The following CCSER1 variants were observed in gnomAD, a reference collection of about 807,000 sequenced individuals.
CCSER1 encodes serine-rich coiled-coil domain-containing protein 1.
CCSER1 carries 41 observed loss-of-function variants against 82.0 expected under a neutral mutation model. The ratio of observed to expected loss-of-function variants is 0.50; its 90% CI spans 0.39 to 0.65. CCSER1 has a LOEUF of 0.65. Ranked by LOEUF, CCSER1 falls within the 30% of genes least tolerant of loss-of-function variation. The pLI is 0.00. For synonymous variants in CCSER1, 414 were observed against 383.9 expected, an observed-to-expected ratio of 1.08 and a Z score of -0.92; for missense variants, 1,119 against 1,064.2, an observed-to-expected ratio of 1.05 and a Z score of -0.72.
chr4:90,664,693 G>A (rs910052341), intron 6 of CCSER1, among the ~76,000 whole-genome samples: 1 of 152,132 alleles, frequency 6.6e-6, no homozygotes, highest in African/African-American at 2.4e-5. Flanking sequence ...CTGAGGTCAG[G>A]AGTTCCAGAC....
At chr4:90,844,973 G>T (rs767708408) in intron 8 of CCSER1, among the ~76,000 whole-genome samples, 3 of 152,174 alleles carry the variant, frequency 2.0e-5, no homozygotes, top group Non-Finnish European at 4.4e-5. Flanking sequence ...TTGGTGTGGA[G>T]CTATTTCAAT....
intron 10 of CCSER1, among the ~76,000 whole-genome samples, chr4:91,594,583 TAA>T (rs938952086): frequency 6.6e-6 from 1 of 151,654 alleles, no homozygotes; most frequent in African/African-American, 2.4e-5. Flanking sequence ...TATTTTGTGT[TAA>T]GAGGATGTTT....
chr4:91,248,797 A>G (rs1220134215), intron 10 of CCSER1, among the ~76,000 whole-genome samples: 1 of 148,572 alleles, frequency 6.7e-6, no homozygotes, highest in Non-Finnish European at 1.5e-5. Context: ...AATTATTATT[A>G]CAAATGCACT....
intron 9 of CCSER1, among the ~76,000 whole-genome samples, chr4:90,982,993 T>G (rs1241228290): frequency 6.6e-6 from 1 of 151,814 alleles, no homozygotes; most frequent in Non-Finnish European, 1.5e-5. Flanking sequence ...CAGGTTTCCA[T>G]GACCTCAATC....
At chr4:91,403,363 A>G (rs924279693) in intron 10 of CCSER1, among the ~76,000 whole-genome samples, 6 of 151,884 alleles carry the variant, frequency 4.0e-5, no homozygotes, top group African/African-American at 1.4e-4. Context: ...TCACTTCCTC[A>G]TTGCTAATGG....
At chr4:90,945,172 A>G (rs1255726009) in intron 9 of CCSER1, among the ~76,000 whole-genome samples, 1 of 152,190 alleles carries the variant, frequency 6.6e-6, no homozygotes, top group Admixed American at 6.5e-5. Context: ...AACTAGGAAA[A>G]AAACTAATAT....
chr4:90,921,667 C>T (rs1728397866), intron 8 of CCSER1, among the ~76,000 whole-genome samples: 2 of 151,934 alleles, frequency 1.3e-5, no homozygotes, highest in African/African-American at 2.4e-5. Context: ...AGGATGAAAG[C>T]CCTTGAAATA....
intron 4 of CCSER1, among the ~76,000 whole-genome samples, chr4:90,419,823 A>G (rs1406209229): frequency 1.3e-5 from 2 of 151,946 alleles, no homozygotes; most frequent in African/African-American, 4.8e-5. Flanking sequence ...TCTTTAATTT[A>G]TTGAATGAAA....
intron 7 of CCSER1, among the ~76,000 whole-genome samples, chr4:90,739,878 C>A (rs1351101676): frequency 6.6e-6 from 1 of 152,180 alleles, no homozygotes; most frequent in Non-Finnish European, 1.5e-5. Context: ...AACTGTCTTT[C>A]TTATCCTCTT....
chr4:90,570,008 G>T (rs568361513), intron 5 of CCSER1, among the ~76,000 whole-genome samples: 1 of 152,282 alleles, frequency 6.6e-6, no homozygotes, highest in South Asian at 2.1e-4. Context: ...AAACCCACGG[G>T]TATGGTCCCA....
intron 7 of CCSER1, chr4:90,725,045 A>C (rs189180342): frequency 1.4e-4 from 62 of 437,402 alleles, no homozygotes; most frequent in Non-Finnish European, 6.5e-5. Context: ...ATACCTGCTA[A>C]TTGTTAAATA....
chr4:91,017,486 T>A (rs1419957394), intron 9 of CCSER1, among the ~76,000 whole-genome samples: 4 of 152,178 alleles, frequency 2.6e-5, no homozygotes, highest in Non-Finnish European at 4.4e-5. Flanking sequence ...TGGGGGTTTG[T>A]GGTGCAGAGT....
chr4:91,114,410 T>C (rs540611681), intron 10 of CCSER1, among the ~76,000 whole-genome samples: 1 of 152,304 alleles, frequency 6.6e-6, no homozygotes, highest in East Asian at 1.9e-4. Context: ...TTCCTAAGTA[T>C]GCTAAAGGCC....
At position 90,615,136 on chromosome 4, in the gene CCSER1, CCT is replaced by C. The variant is rs201790488; in HGVS notation, c.1725-12888_1725-12887del. On this transcript the variant is annotated intron_variant, in intron 5 of 10. Transcript: ENST00000509176. ...GAATATTTTAAGCCCACTGTTGAAA[CCT>C]ACTGCTCAGAAAAAAACAAGATTTC... Among the ~76,000 whole-genome samples the C allele has an allele frequency of 8.4e-3, 1,278 of 151,518 alleles. 6 individuals are homozygous for C. Among genetic ancestry groups the C allele is most frequent in the Non-Finnish European group, 0.013 (900 of 68,004 alleles).
chr4:91,544,217 A>G (rs918860657), intron 10 of CCSER1, among the ~76,000 whole-genome samples: 2 of 151,882 alleles, frequency 1.3e-5, no homozygotes, highest in Non-Finnish European at 2.9e-5. Flanking sequence ...TCTTTTTTCC[A>G]GTTTTTTAGC....
At chr4:91,271,637 C>T (rs115685227) in intron 10 of CCSER1, among the ~76,000 whole-genome samples, 2,556 of 151,626 alleles carry the variant, frequency 0.017, 92 homozygotes, top group African/African-American at 0.06. Flanking sequence ...AGTATTCCAT[C>T]ATATATATGA....
chr4:90,842,092 C>T (rs1762643491), intron 8 of CCSER1, among the ~76,000 whole-genome samples: 1 of 152,076 alleles, frequency 6.6e-6, no homozygotes, highest in Non-Finnish European at 1.5e-5. Flanking sequence ...GTTAATTACT[C>T]CACCTCATTA....
chr4:91,153,823 C>T (rs771477719), intron 10 of CCSER1, among the ~76,000 whole-genome samples: 14 of 152,100 alleles, frequency 9.2e-5, no homozygotes, highest in Admixed American at 2.6e-4. Context: ...TGCAGAACTG[C>T]AAATATTACA....
Position 90,561,967 on chromosome 4 carries a change from T to C in CCSER1, c.1725-66058T>C, listed in dbSNP as rs918976548. Among the ~76,000 whole-genome samples the C allele has an allele frequency of 3.3e-5, 5 of 152,030 alleles. No individual in the cohort carries two copies. The East Asian group carries it at 9.7e-4, about 29-fold the overall frequency. On this transcript the variant is annotated intron_variant, in intron 5 of 10. Transcript: ENST00000509176. ...CTTTGGGAGGCTGAAGCGGGAAGGATCACCTGAGGTCAGGAGTTTGAGACC... is the reference window on the plus strand; with the variant it reads ...CTTTGGGAGGCTGAAGCGGGAAGGACCACCTGAGGTCAGGAGTTTGAGACC...
Sources: allele counts gnomAD v4.1 joint callset (sites outside exome capture counted in the v4.1 genomes callset), GRCh38; gene constraint gnomAD v4.1.1; transcripts MANE v1.5; gene names NCBI Gene and HGNC (gene_info 2026-07-23, HGNC 2026-07-21).